Variants in PTPRK observed in about 807,000 individuals in gnomAD.
The protein encoded by PTPRK is protein tyrosine phosphatase receptor type K.
A neutral mutation model predicts 178.0 loss-of-function variants in PTPRK; 75 were observed. The ratio of observed to expected loss-of-function variants is 0.42; its 90% CI spans 0.35 to 0.51. The LOEUF (loss-of-function observed/expected upper bound fraction) is 0.51. Ranked by LOEUF, PTPRK falls within the 20% of genes least tolerant of loss-of-function variation. PTPRK has a pLI of 0.02. For missense variants in PTPRK, 1,441 were observed against 1,797.8 expected, an observed-to-expected ratio of 0.80 and a Z score of 3.59; for synonymous variants, 637 against 620.6, an observed-to-expected ratio of 1.03 and a Z score of -0.39.
At position 128,254,478 on chromosome 6, in the gene PTPRK, T is replaced by C. The variant is rs370865277; in HGVS notation, c.496-11876A>G. On this transcript the variant is annotated intron_variant, in intron 3 of 29. Transcript: ENST00000368226. ...TCCCAGAACGACTAAAAATAATGGG[T>C]GCAAACACACAAATATGCATATCTA... 1.3e-3 allele frequency among the ~76,000 whole-genome samples: 194 copies of C among 152,226 alleles called. 7 individuals carry two copies. In the South Asian group the frequency reaches 0.04, roughly 32 times the overall value.
chr6:128,017,411 C>A (rs1467897809), intron 13 of PTPRK, among the ~76,000 whole-genome samples: 2 of 151,638 alleles, frequency 1.3e-5, no homozygotes, highest in Non-Finnish European at 2.9e-5. Context: ...GCTTGGTGAC[C>A]TTTGATTGTG....
At chr6:128,409,766 G>A (rs889711018) in intron 1 of PTPRK, among the ~76,000 whole-genome samples, 2 of 152,072 alleles carry the variant, frequency 1.3e-5, no homozygotes, top group African/African-American at 2.4e-5. Flanking sequence ...TTATTAAAAG[G>A]GGGCGTTTTC....
intron 2 of PTPRK, among the ~76,000 whole-genome samples, chr6:128,396,955 G>A (rs1840390912): frequency 6.6e-6 from 1 of 152,110 alleles, no homozygotes. Flanking sequence ...CAGAGATCAG[G>A]CCACTGCATT....
Position 128,089,841 on chromosome 6 carries a change from G to C in PTPRK, c.1314C>G (p.Ser438Arg). Residue 438 changes from serine (S) to arginine (R), a missense_variant, in exon 8 of 30, where the codon AGC (serine) becomes AGG (arginine). Ser to Arg is a moderately radical substitution (Grantham distance 110). This residue lies in a region of PTPRK where 945 missense variants were observed against 1,080.6 expected (regional missense o/e 0.87). Coordinates refer to ENST00000368226, the MANE Select transcript of PTPRK (RefSeq NM_002844.4). ...GGTCCATGTCCAAACAGTCTGCCTT[G>C]CTCTCGTTGTGACCACGGAAGTAAT... ...CYHYFRGHNESKADCLDMDPK... is the reference protein window; with the variant it reads ...CYHYFRGHNERKADCLDMDPK... 5 of 1,614,054 alleles carry C rather than the reference G, an allele frequency of 3.1e-6. No homozygotes were observed. The highest frequency in any genetic ancestry group is 4.2e-6 in the Non-Finnish European group (5 of 1,179,960).
At chr6:127,983,067 C>G in intron 23 of PTPRK, 87 bp from the exon 24 acceptor site, 1 of 1,411,266 alleles carries the variant, frequency 7.1e-7, no homozygotes, top group Non-Finnish European at 9.6e-7. Context: ...AAAATTTTCT[C>G]TATATGGAAA....
chr6:128,136,113 AG>A (rs1013045667), intron 7 of PTPRK, among the ~76,000 whole-genome samples: 7 of 152,290 alleles, frequency 4.6e-5, no homozygotes, highest in African/African-American at 1.4e-4. Flanking sequence ...GAACACACTT[AG>A]GAAAGAACAC....
intron 13 of PTPRK, among the ~76,000 whole-genome samples, chr6:128,050,124 G>A (rs554233945): frequency 1.4e-4 from 21 of 147,206 alleles, no homozygotes; most frequent in African/African-American, 5.6e-4. Context: ...CAACAACAGT[G>A]AAATTCCGCC....
chr6:128,150,109 TGC>T (rs912883573), intron 7 of PTPRK, among the ~76,000 whole-genome samples: 3 of 152,132 alleles, frequency 2.0e-5, no homozygotes, highest in Non-Finnish European at 4.4e-5. Context: ...TTAAAAGGAA[TGC>T]CAAGAAGTTT....
intron 2 of PTPRK, among the ~76,000 whole-genome samples, chr6:128,383,584 T>C (rs1208430390): frequency 2.0e-5 from 3 of 152,220 alleles, no homozygotes; most frequent in Non-Finnish European, 4.4e-5. Context: ...AGTTCCAACA[T>C]ACTTATGTGT....
rs1583560646 is a variant in PTPRK, at chr6:127,995,610, A to T, written c.2768-72T>A. ...TTCTGAGACAATGTCATTGGTAGAGACTAAAGAATTCAGTGGTTGCCCATA... is the reference window on the plus strand; with the variant it reads ...TTCTGAGACAATGTCATTGGTAGAGTCTAAAGAATTCAGTGGTTGCCCATA... On this transcript the variant is annotated intron_variant, in intron 17 of 29. Transcript: ENST00000368226. The T allele has an allele frequency of 1.7e-5, 16 of 923,114 alleles. No individual in the cohort carries two copies. In the East Asian group the frequency reaches 3.7e-4, roughly 21 times the overall value. 57.2% of individuals were successfully genotyped at this position (923,114 alleles called of 1,614,324 possible).
chr6:127,981,416 A>C, intron 24 of PTPRK, 127 bp from the exon 25 acceptor site: 1 of 775,438 alleles, frequency 1.3e-6, no homozygotes, highest in African/African-American at 1.8e-5. Context: ...GGCATTTGCT[A>C]CTATGACAGG....
At chr6:127,996,502 C>T (rs766633401) in intron 17 of PTPRK, among the ~76,000 whole-genome samples, 2 of 152,100 alleles carry the variant, frequency 1.3e-5, no homozygotes, top group African/African-American at 2.4e-5. Flanking sequence ...GACAGAGTCT[C>T]GCTTTGTCGC....
intron 1 of PTPRK, among the ~76,000 whole-genome samples, chr6:128,406,469 A>C (rs1841670044): frequency 6.6e-6 from 1 of 152,112 alleles, no homozygotes; most frequent in Non-Finnish European, 1.5e-5. Flanking sequence ...AGATAATTGG[A>C]TATCATCCTC....
chr6:128,041,547 A>T (rs1326387938), intron 13 of PTPRK, among the ~76,000 whole-genome samples: 1 of 152,080 alleles, frequency 6.6e-6, no homozygotes, highest in Non-Finnish European at 1.5e-5. Context: ...AAGAGGCAGA[A>T]ATCATATTAC....
At chr6:127,993,378 T>G (rs763267297) in intron 18 of PTPRK, among the ~76,000 whole-genome samples, 53 of 151,752 alleles carry the variant, frequency 3.5e-4, no homozygotes, top group Non-Finnish European at 6.9e-4. Context: ...TTTTTCAGTG[T>G]GCTAAAAGTT....
chr6:128,120,416 C>T lies in PTPRK; in HGVS notation c.1163-30424G>A, dbSNP rs1378499411. ...TAAATGTTTATCTCTATTTGAGGCT[C>T]TTTATTTTGAATATAGTAATCCCAC... is the stretch of plus-strand genomic sequence containing the variant. On this transcript the variant is annotated intron_variant, in intron 7 of 29. Transcript: ENST00000368226. Among the ~76,000 whole-genome samples, 8 of 152,056 alleles carry T rather than the reference C, an allele frequency of 5.3e-5. No homozygotes were observed. In the East Asian group the frequency reaches 1.3e-3, roughly 26 times the overall value.
intron 3 of PTPRK, among the ~76,000 whole-genome samples, chr6:128,277,646 G>T (rs887169184): frequency 2.0e-5 from 3 of 152,174 alleles, no homozygotes; most frequent in African/African-American, 7.2e-5. Flanking sequence ...CCAAAGAAGT[G>T]AAGGTTGGGG....
intron 15 of PTPRK, 90 bp downstream of exon 15, chr6:128,004,994 A>T: frequency 9.6e-7 from 1 of 1,046,178 alleles, no homozygotes; most frequent in Non-Finnish European, 1.4e-6. Flanking sequence ...TCACTTTCCT[A>T]CTCTCTCTCA....
chr6:128,518,783 C>T, intron 1 of PTPRK: 1 of 344,658 alleles, frequency 2.9e-6, no homozygotes, highest in Non-Finnish European at 5.7e-6. Flanking sequence ...ATATACAGGG[C>T]TTTTCCTCTG....
Sources: allele counts gnomAD v4.1 joint callset (sites outside exome capture counted in the v4.1 genomes callset), GRCh38; gene constraint gnomAD v4.1.1; regional missense constraint gnomAD v4.1.1; transcripts MANE v1.5; gene names NCBI Gene and HGNC (gene_info 2026-07-23, HGNC 2026-07-21).